Variants in MAP2K5 observed in about 807,000 individuals in gnomAD.
MAP2K5 encodes the protein mitogen-activated protein kinase kinase 5.
A neutral mutation model predicts 83.1 loss-of-function variants in MAP2K5; 49 were observed. The observed-to-expected ratio is 0.59, with a 90% CI of 0.47 to 0.75. The LOEUF (loss-of-function observed/expected upper bound fraction) is 0.75. Among genes scored for constraint, MAP2K5 ranks in the 30% least tolerant of loss-of-function variants. The probability of loss-of-function intolerance (pLI) is 0.00; values close to 1 mark genes in which losing one functional copy is unlikely to be tolerated. For missense variants in MAP2K5, 457 were observed against 557.5 expected, an observed-to-expected ratio of 0.82 and a Z score of 1.82; for synonymous variants, 202 against 191.8, an observed-to-expected ratio of 1.05 and a Z score of -0.44.
At chr15:67,752,159 G>A (rs1299130369) in intron 19 of MAP2K5, among the ~76,000 whole-genome samples, 1 of 151,938 alleles carries the variant, frequency 6.6e-6, no homozygotes, top group Non-Finnish European at 1.5e-5. Context: ...TCTGCCTTCT[G>A]GGTTCAAGCG....
In MAP2K5 at chr15:67,659,136, G is replaced by T. The variant is rs537973286; in HGVS notation, c.798+522G>T. 2.0e-4 allele frequency: 46 copies of T among 234,154 alleles called. No individual in the cohort carries two copies. In the East Asian group the frequency reaches 4.7e-3, roughly 24 times the overall value. 14.5% of individuals were successfully genotyped at this position (234,154 alleles called of 1,614,324 possible). ...TTTAAAGCAGTTTTCCCATATTCTT[G>T]TATTTTCTATATGCACTAATATACT... On this transcript the variant is annotated intron_variant, in intron 12 of 21. Coordinates refer to ENST00000178640, the MANE Select transcript of MAP2K5 (RefSeq NM_145160.3).
rs2084737159 is a variant in MAP2K5 at position 67,561,529 on chromosome 15, G to A, written c.185-1754G>A. Among the ~76,000 whole-genome samples the A allele has an allele frequency of 6.6e-6, 1 of 152,162 alleles. No individual in the cohort carries two copies. The highest frequency in any genetic ancestry group is 1.5e-5 in the Non-Finnish European group (1 of 68,032). On this transcript the variant is annotated intron_variant, in intron 2 of 21. Transcript: ENST00000178640. This position sits in a 1 kb window ranked among gnomAD's most constrained non-coding sequence, Gnocchi z 4.2. ...TGAAAACAGGCAACTCTTGATAGCA[G>A]AATACTGGTAGTGACTCTCCTAGAT... is the stretch of plus-strand genomic sequence containing the variant.
At chr15:67,744,514 A>G (rs12593813) in intron 17 of MAP2K5, among the ~76,000 whole-genome samples, 80,387 of 152,206 alleles carry the variant, frequency 0.53, 23,614 homozygotes, top group Non-Finnish European at 0.68. Context: ...AGGGCAAGCC[A>G]TAATTTCAGA....
At chr15:67,689,541 A>G (rs2088047535) in intron 13 of MAP2K5, among the ~76,000 whole-genome samples, 1 of 152,078 alleles carries the variant, frequency 6.6e-6, no homozygotes, top group African/African-American at 2.4e-5. Context: ...GCAAAGATTG[A>G]TTTGAGGATG....
chr15:67,553,820 G>A lies in MAP2K5; in HGVS notation c.184+3738G>A, dbSNP rs570702631. Among the ~76,000 whole-genome samples, 1,129 of 149,978 alleles carry A rather than the reference G, an allele frequency of 7.5e-3. 58 individuals carry two copies. Among genetic ancestry groups the A allele is most frequent in the Admixed American group, 0.067 (1,000 of 14,996 alleles). On this transcript the variant is annotated intron_variant, in intron 2 of 21. Coordinates refer to ENST00000178640, the MANE Select transcript of MAP2K5 (RefSeq NM_145160.3). ...CCCAGCTACTCGGGAGGCTGAGGCAGGAGAATGGCGTGAACCCGGGAAGCG... is the reference window on the plus strand; with the variant it reads ...CCCAGCTACTCGGGAGGCTGAGGCAAGAGAATGGCGTGAACCCGGGAAGCG...
chr15:67,575,235 G>GGA (rs2085029025), intron 3 of MAP2K5, among the ~76,000 whole-genome samples: 1 of 152,194 alleles, frequency 6.6e-6, no homozygotes, highest in Admixed American at 6.5e-5. Flanking sequence ...AGTAACTCAA[G>GGA]GAGAGTGTAA....
At position 67,593,025 on chromosome 15, in the gene MAP2K5, T is replaced by C. The variant is rs1480146857; in HGVS notation, c.480+51T>C. On this transcript the variant is annotated intron_variant, in intron 7 of 21. Transcript: ENST00000178640. ...TTCACATAATAATAACATATTACCG[T>C]CCAGTTTTTGTATCCATAAGCTTAT... 4.9e-6 allele frequency: 6 copies of C among 1,235,690 alleles called. No individual in the cohort carries two copies. In the South Asian group the frequency reaches 6.8e-5, roughly 14 times the overall value. 76.5% of individuals were successfully genotyped at this position (1,235,690 alleles called of 1,614,324 possible).
intron 1 of MAP2K5, among the ~76,000 whole-genome samples, chr15:67,547,243 T>C (rs2084410321): frequency 1.3e-5 from 2 of 152,180 alleles, no homozygotes; most frequent in Admixed American, 1.3e-4. Context: ...TTTGTCTTTA[T>C]CTCTGTAACC....
Position 67,543,930 on chromosome 15 carries a change from A to T in MAP2K5, c.135+460A>T, listed in dbSNP as rs951423482. Among the ~76,000 whole-genome samples the T allele has an allele frequency of 3.3e-5, 5 of 152,190 alleles. No individual in the cohort carries two copies. Among genetic ancestry groups the T allele is most frequent in the African/African-American group, 1.2e-4 (5 of 41,444 alleles). On this transcript the variant is annotated intron_variant, in intron 1 of 21. Transcript: ENST00000178640. The surrounding 1 kb of genome is among the most constrained non-coding windows in gnomAD (Gnocchi z 4.3). ...CACACTGTTTCATTAATTTATTTTG[A>T]GACAGGGCCTCACTCTGTCGCTCAG... is the stretch of plus-strand genomic sequence containing the variant.
intron 3 of MAP2K5, 151 bp from the exon 4 acceptor site, chr15:67,580,603 C>A: frequency 1.6e-6 from 1 of 613,174 alleles, no homozygotes; most frequent in Non-Finnish European, 2.9e-6. Context: ...TCACTATAGT[C>A]ATTTTGATGT....
At chr15:67,598,203 T>TA (rs2085571934) in intron 7 of MAP2K5, among the ~76,000 whole-genome samples, 1 of 148,336 alleles carries the variant, frequency 6.7e-6, no homozygotes, top group Admixed American at 6.7e-5. Context: ...AGACTTCATC[T>TA]CCAAAAAAAA....
At chr15:67,582,465 T>A (rs1851033504) in intron 4 of MAP2K5, among the ~76,000 whole-genome samples, 1 of 152,188 alleles carries the variant, frequency 6.6e-6, no homozygotes, top group Non-Finnish European at 1.5e-5. Flanking sequence ...AAATTTCCAT[T>A]AATTTCTCTA....
chr15:67,667,512 A>T (rs1179676549), intron 13 of MAP2K5, among the ~76,000 whole-genome samples: 1 of 152,160 alleles, frequency 6.6e-6, no homozygotes, highest in Non-Finnish European at 1.5e-5. Context: ...TGGTTTAGGC[A>T]TTGTGAGAGG....
chr15:67,737,220 G>A (rs1462811354), intron 17 of MAP2K5, among the ~76,000 whole-genome samples: 1 of 152,200 alleles, frequency 6.6e-6, no homozygotes, highest in Non-Finnish European at 1.5e-5. Context: ...GGTAATTGCT[G>A]ACTGGCTATG....
In MAP2K5 at chr15:67,720,625, A is replaced by G. The variant is rs962132036; in HGVS notation, c.1045-7291A>G. Reference sequence around the variant, plus strand: ...GGTACTAATGCCTGAGGGGTGGGTCATGAATTAATAATTGCTATGTGGCGG... The same window carrying G: ...GGTACTAATGCCTGAGGGGTGGGTCGTGAATTAATAATTGCTATGTGGCGG... On this transcript the variant is annotated intron_variant, in intron 16 of 21. Coordinates refer to ENST00000178640, the MANE Select transcript of MAP2K5 (RefSeq NM_145160.3). The surrounding 1 kb of genome is among the most constrained non-coding windows in gnomAD (Gnocchi z 5.7). Among the ~76,000 whole-genome samples the G allele has an allele frequency of 6.6e-6, 1 of 152,220 alleles. No homozygotes were observed. The highest frequency in any genetic ancestry group is 2.4e-5 in the African/African-American group (1 of 41,458).
At chr15:67,735,850 G>A (rs781658482) in intron 17 of MAP2K5, among the ~76,000 whole-genome samples, 2 of 152,116 alleles carry the variant, frequency 1.3e-5, no homozygotes, top group African/African-American at 2.4e-5. Context: ...TGGCTTTCAC[G>A]TGGCAGCTTT....
intron 3 of MAP2K5, among the ~76,000 whole-genome samples, chr15:67,566,399 C>T (rs2084840673): frequency 6.6e-6 from 1 of 152,088 alleles, no homozygotes; most frequent in Non-Finnish European, 1.5e-5. Context: ...TGGTCTCGAA[C>T]TCCTGATCTC....
At chr15:67,787,748 G>A (rs1397979915) in intron 21 of MAP2K5, among the ~76,000 whole-genome samples, 3 of 152,204 alleles carry the variant, frequency 2.0e-5, no homozygotes, top group Non-Finnish European at 2.9e-5. Context: ...GTATGGTAGT[G>A]ATTAATGTAT....
At chr15:67,699,870 A>G (rs1413450143) in intron 15 of MAP2K5, among the ~76,000 whole-genome samples, 12 of 152,098 alleles carry the variant, frequency 7.9e-5, no homozygotes, top group African/African-American at 2.4e-5. Context: ...AGCAGAAGAG[A>G]GAATTGGTGA....
Sources: gnomAD v4.1 joint callset for allele counts (sites outside exome capture counted in the v4.1 genomes callset) on GRCh38, gnomAD v4.1.1 for gene constraint, Gnocchi (gnomAD v3.1) non-coding constraint, MANE v1.5 for transcripts, NCBI Gene and HGNC (gene_info 2026-07-23, HGNC 2026-07-21) for gene names.